Variants in NISCH observed in about 807,000 individuals in gnomAD.
The protein encoded by NISCH is I-1 receptor candidate protein.
Under a neutral mutation model 138.4 loss-of-function variants are expected in NISCH, and 55 were observed. The observed-to-expected ratio is 0.40, with a 90% CI of 0.32 to 0.50. The LOEUF (loss-of-function observed/expected upper bound fraction) is 0.50. NISCH is among the 20% of genes least tolerant of loss of function. NISCH has a pLI of 0.71. For missense variants in NISCH, 1,643 were observed against 2,005.5 expected (o/e 0.82, Z 3.45); for synonymous variants, 860 against 861.5 (o/e 1.00, Z 0.03).
rs1706594190 is a variant in NISCH at position 52,460,212 on chromosome 3, A to AC, written c.360+1368_360+1369insC. On this transcript the variant is annotated intron_variant, in intron 3 of 20. Transcript: ENST00000345716. ...AAAAAAAAAAAAAAAAAAAAAAAAA[A>AC]TCAAAGGGTACAGCCAGGCTGAGCA... is the stretch of plus-strand genomic sequence containing the variant. Among the ~76,000 whole-genome samples, 5 of 146,266 alleles carry AC rather than the reference A, an allele frequency of 3.4e-5. No homozygotes were observed. In the South Asian group the frequency reaches 1.1e-3, roughly 32 times the overall value.
chr3:52,476,148 A>G, intron 7 of NISCH: 1 of 337,774 alleles, frequency 3.0e-6, no homozygotes, highest in South Asian at 3.1e-5. Context: ...AAAAAAGAGA[A>G]AAGGCTAGAA....
intron 4 of NISCH, 144 bp from the exon 5 acceptor site, chr3:52,471,670 G>C: frequency 1.1e-6 from 1 of 873,490 alleles, no homozygotes; most frequent in Non-Finnish European, 1.8e-6. Context: ...GAGGGCAGCA[G>C]CTCCTGCATG....
Position 52,491,543 on chromosome 3 carries a change from G to A in NISCH, c.3904+30G>A, listed in dbSNP as rs184032255. 152 of 1,593,196 alleles carry A rather than the reference G, an allele frequency of 9.5e-5. No homozygotes were observed. The African/African-American group carries it at 1.6e-3, about 16-fold the overall frequency. ...CCCTGTCTAGCTCAGGCTGCAGACA[G>A]GCTGCCTGGACAGACGTCATGGGCC... On this transcript the variant is annotated intron_variant, in intron 20 of 20. Transcript: ENST00000345716.
intron 7 of NISCH, chr3:52,475,778 A>C (rs1302628652): frequency 1.3e-5 from 2 of 152,348 alleles, no homozygotes; most frequent in African/African-American, 4.8e-5. Flanking sequence ...TGCGAGTTTG[A>C]GGCTGCAGTG....
chr3:52,485,691 G>C, intron 14 of NISCH, 87 bp from the exon 15 acceptor site: 1 of 1,443,834 alleles, frequency 6.9e-7, no homozygotes, highest in East Asian at 2.5e-5. Context: ...ATGGAGGGCA[G>C]AATGCCCAGC....
intron 18 of NISCH, 101 bp downstream of exon 18, chr3:52,490,332 G>A (rs1681133443): frequency 1.5e-6 from 2 of 1,373,520 alleles, no homozygotes; most frequent in Non-Finnish European, 2.0e-6. Flanking sequence ...TCAGGCAGCA[G>A]TCAGCGACTT....
chr3:52,460,427 G>C (rs1189241626), intron 3 of NISCH, among the ~76,000 whole-genome samples: 2 of 148,462 alleles, frequency 1.3e-5, no homozygotes, highest in East Asian at 3.9e-4. Flanking sequence ...TTTGAGACAG[G>C]GTCTCACTCC....
intron 3 of NISCH, among the ~76,000 whole-genome samples, chr3:52,468,144 A>G (rs1221371216): frequency 6.6e-6 from 1 of 152,170 alleles, no homozygotes; most frequent in East Asian, 1.9e-4. Flanking sequence ...CTGTGATCCT[A>G]GCTACTCAGG....
chr3:52,458,028 C>T, intron 2 of NISCH, 102 bp downstream of exon 2: 1 of 795,500 alleles, frequency 1.3e-6, no homozygotes, highest in Non-Finnish European at 2.2e-6. Flanking sequence ...CAGGTTCCAT[C>T]TCTATAGTTC....
At chr3:52,481,982 T>A in intron 13 of NISCH, 1 of 920,564 alleles carries the variant, frequency 1.1e-6, no homozygotes, top group Non-Finnish European at 1.3e-6. Context: ...TCCTGATGTC[T>A]CCGCTCTATC....
In NISCH at chr3:52,491,530, C is replaced by G; in HGVS notation, c.3904+17C>G. 1 of 1,601,834 alleles carries G rather than the reference C, an allele frequency of 6.2e-7. No individual in the cohort carries two copies. The highest frequency in any genetic ancestry group is 8.5e-7 in the Non-Finnish European group (1 of 1,173,100). On this transcript the variant is annotated intron_variant, in intron 20 of 20. Transcript: ENST00000345716. ...AGACCACAGGTACCCCTGTCTAGCTCAGGCTGCAGACAGGCTGCCTGGACA... is the reference window on the plus strand; with the variant it reads ...AGACCACAGGTACCCCTGTCTAGCTGAGGCTGCAGACAGGCTGCCTGGACA...
At chr3:52,467,288 G>T (rs1157516101) in intron 3 of NISCH, among the ~76,000 whole-genome samples, 1 of 152,012 alleles carries the variant, frequency 6.6e-6, no homozygotes, top group African/African-American at 2.4e-5. Context: ...GGTGAGCCAT[G>T]GTGCCCAGCC....
At chr3:52,484,462 T>TGGGCGGCCCCC in intron 13 of NISCH, 51 bp from the exon 14 acceptor site, 1 of 788,670 alleles carries the variant, frequency 1.3e-6, no homozygotes, top group Non-Finnish European at 1.8e-6. Flanking sequence ...ACAGCCGCTC[T>TGGGCGGCCCCC]CCCCGCCCCA....
intron 1 of NISCH, 55 bp from the exon 2 acceptor site, chr3:52,457,788 A>G: frequency 8.5e-7 from 1 of 1,180,946 alleles, no homozygotes; most frequent in Non-Finnish European, 1.3e-6. Context: ...CTGGGGGAGG[A>G]GACTCCTTGT....
rs1480913358 is a variant in NISCH, at chr3:52,492,669, C to G, written c.*187C>G. On this transcript the variant is annotated 3_prime_UTR_variant, in exon 21 of 21. Coordinates refer to ENST00000345716, the MANE Select transcript of NISCH (RefSeq NM_007184.4). ...CATGTTGGGAGTGAGAATGCCGGGC[C>G]CCTCAGGGCTGTCGGTGTGCTGTCA... 6 of 822,612 alleles carry G rather than the reference C, an allele frequency of 7.3e-6. No homozygotes were observed. Among genetic ancestry groups the G allele is most frequent in the Middle Eastern group, 3.6e-4 (1 of 2,740 alleles). The allele number at this position is 822,612 out of a possible 1,614,324, so 51.0% of individuals were successfully genotyped here. A position where few individuals can be genotyped will look rare whatever the true frequency, so the allele number is the denominator to read the frequency against.
rs1707559548 is a variant in NISCH, at chr3:52,491,398, C to T, written c.3789C>T (p.Tyr1263=). ...TCACGTGCTTGACGCGGGACAGCTACCTGACGCACTGCTTCCTCCAGCACC... is the reference window on the plus strand; with the variant it reads ...TCACGTGCTTGACGCGGGACAGCTATCTGACGCACTGCTTCCTCCAGCACC... The part of the protein sequence containing the change: ...QVVTCLTRDS[Y]LTHCFLQHLM... Residue 1263 remains tyrosine, a synonymous_variant, in exon 20 of 21, where the codon TAC becomes TAT. Coordinates refer to ENST00000345716, the MANE Select transcript of NISCH (RefSeq NM_007184.4). 3 of 1,613,160 alleles carry T rather than the reference C, an allele frequency of 1.9e-6. No homozygotes were observed. The African/African-American group carries it at 4.0e-5, about 22-fold the overall frequency.
At chr3:52,472,228 A>G (rs533558016) in intron 5 of NISCH, 75 bp from the exon 6 acceptor site, 19 of 1,397,530 alleles carry the variant, frequency 1.4e-5, no homozygotes, top group South Asian at 1.2e-5. Flanking sequence ...GTTGTCTTCA[A>G]CTTGTCAGCT....
chr3:52,485,967 G>C, intron 15 of NISCH, 140 bp downstream of exon 15: 1 of 738,232 alleles, frequency 1.4e-6, no homozygotes, highest in Admixed American at 2.4e-5. Context: ...TTCCTCTAAA[G>C]AGACACAGAT....
At chr3:52,482,533 C>T (rs1265480832) in intron 13 of NISCH, among the ~76,000 whole-genome samples, 1 of 152,232 alleles carries the variant, frequency 6.6e-6, no homozygotes, top group African/African-American at 2.4e-5. Context: ...CTTGTAGCCC[C>T]TCTGAAGCTG....
Sources: gnomAD v4.1 joint callset for allele counts (sites outside exome capture counted in the v4.1 genomes callset) on GRCh38, gnomAD v4.1.1 for gene constraint, MANE v1.5 for transcripts, NCBI Gene and HGNC (gene_info 2026-07-23, HGNC 2026-07-21) for gene names.